FNIP2: variants seen among roughly 807,000 people sequenced by gnomAD.
The protein encoded by FNIP2 is folliculin interacting protein 2.
In FNIP2, 32 loss-of-function variants were observed where a neutral mutation model predicts 108.7. That is an observed-to-expected ratio of 0.29 (90% CI 0.22 to 0.40). The LOEUF (loss-of-function observed/expected upper bound fraction) is 0.40, where lower values mean the gene tolerates loss of function less well. FNIP2 is among the 10% of genes least tolerant of loss of function. The pLI is 1.00. For synonymous variants in FNIP2, 480 were observed against 496.7 expected, an observed-to-expected ratio of 0.97 and a Z score of 0.45; for missense variants, 1,202 against 1,381.6, an observed-to-expected ratio of 0.87 and a Z score of 2.06.
Position 158,869,217 on chromosome 4 carries a change from G to T in FNIP2, c.2581G>T (p.Gly861Cys). Residue 861 changes from glycine (G) to cysteine (C), a missense_variant, in exon 13 of 17, where the codon GGC becomes TGC. Gly to Cys is a radical substitution (Grantham distance 159). Transcript: ENST00000264433. ...TGTTGCCCCCAGGTGTGTCCAGCGG[G>T]GCCCTGGCCTCGTGGCTGGTGCGAA... ...EPVAPRCVQR[G>C]PGLVAGANIP... 1 of 1,614,030 alleles carries T rather than the reference G, an allele frequency of 6.2e-7. No homozygotes were observed. Among genetic ancestry groups the T allele is most frequent in the Non-Finnish European group, 8.5e-7 (1 of 1,179,898 alleles).
intron 1 of FNIP2, among the ~76,000 whole-genome samples, chr4:158,819,217 T>G (rs1042873895): frequency 1.1e-4 from 16 of 152,220 alleles, no homozygotes. Flanking sequence ...GAAGTATGGT[T>G]CCATGCTTTT....
intron 1 of FNIP2, among the ~76,000 whole-genome samples, chr4:158,775,652 T>A (rs1775837248): frequency 6.6e-6 from 1 of 152,208 alleles, no homozygotes; most frequent in Non-Finnish European, 1.5e-5. Context: ...TATAATGGAC[T>A]TCTGAAAAGG....
At chr4:158,845,775 T>A (rs1779368756) in intron 7 of FNIP2, among the ~76,000 whole-genome samples, 1 of 152,248 alleles carries the variant, frequency 6.6e-6, no homozygotes, top group Non-Finnish European at 1.5e-5. Flanking sequence ...TTGTACTGAA[T>A]TGTTATCTAG....
At chr4:158,782,535 T>C (rs891544123) in intron 1 of FNIP2, among the ~76,000 whole-genome samples, 9 of 150,748 alleles carry the variant, frequency 6.0e-5, no homozygotes, top group African/African-American at 1.5e-4. Context: ...TTTTTTTTTT[T>C]CCTCAAATTA....
At chr4:158,872,862 T>TATTCAAGA in intron 14 of FNIP2, 4 of 689,700 alleles carry the variant, frequency 5.8e-6, no homozygotes, top group Non-Finnish European at 7.1e-6. Context: ...GCCTAGTGAA[T>TATTCAAGA]ATTTAAATTC....
chr4:158,814,209 C>T (rs1777440180), intron 1 of FNIP2, among the ~76,000 whole-genome samples: 1 of 152,180 alleles, frequency 6.6e-6, no homozygotes, highest in South Asian at 2.1e-4. Flanking sequence ...AGAATGTTAT[C>T]CTAACTTGTT....
intron 5 of FNIP2, 62 bp downstream of exon 5, chr4:158,832,200 T>A: frequency 7.4e-7 from 1 of 1,343,658 alleles, no homozygotes; most frequent in Non-Finnish European, 1.0e-6. Context: ...CTAGATAGAC[T>A]AATTCTTTAA....
intron 1 of FNIP2, among the ~76,000 whole-genome samples, chr4:158,798,208 G>A (rs776202433): frequency 3.3e-5 from 5 of 151,842 alleles, no homozygotes; most frequent in South Asian, 2.1e-4. Context: ...AGCATTACAC[G>A]CACGCACCAC....
chr4:158,787,328 T>TAA (rs755050151), intron 1 of FNIP2, among the ~76,000 whole-genome samples: 1 of 152,242 alleles, frequency 6.6e-6, no homozygotes, highest in Non-Finnish European at 1.5e-5. Context: ...TTTTCTTTTC[T>TAA]AAAAATTGTG....
intron 7 of FNIP2, among the ~76,000 whole-genome samples, chr4:158,843,899 G>A (rs1313582455): frequency 2.0e-5 from 3 of 152,194 alleles, no homozygotes; most frequent in Non-Finnish European, 1.5e-5. Context: ...AAAATGCTTG[G>A]CAGGGCATAG....
At chr4:158,903,189 G>A (rs1388453624) in intron 16 of FNIP2, among the ~76,000 whole-genome samples, 1 of 152,188 alleles carries the variant, frequency 6.6e-6, no homozygotes, top group East Asian at 1.9e-4. Context: ...AGACTGCAGT[G>A]CAGATATTGA....
At chr4:158,789,584 C>T (rs1463132349) in intron 1 of FNIP2, among the ~76,000 whole-genome samples, 4 of 152,154 alleles carry the variant, frequency 2.6e-5, no homozygotes, top group African/African-American at 4.8e-5. Flanking sequence ...CATCTGTTGA[C>T]ATTTTCCATA....
intron 1 of FNIP2, among the ~76,000 whole-genome samples, chr4:158,800,442 G>A (rs1158995004): frequency 1.3e-5 from 2 of 152,176 alleles, no homozygotes; most frequent in African/African-American, 4.8e-5. Flanking sequence ...CCCTTCCAGG[G>A]TGAGTGCTTT....
At chr4:158,889,162 A>G (rs1782163089) in intron 14 of FNIP2, among the ~76,000 whole-genome samples, 1 of 152,224 alleles carries the variant, frequency 6.6e-6, no homozygotes, top group Non-Finnish European at 1.5e-5. Context: ...TCTGCACTCC[A>G]GCCTGGGCAA....
At chr4:158,795,911 C>G (rs1265988656) in intron 1 of FNIP2, 4 of 152,296 alleles carry the variant, frequency 2.6e-5, no homozygotes, top group Non-Finnish European at 4.4e-5. Flanking sequence ...CACCCCCAGT[C>G]CATGGAAAAA....
At chr4:158,852,837 T>G (rs1275875571) in intron 8 of FNIP2, among the ~76,000 whole-genome samples, 1 of 152,200 alleles carries the variant, frequency 6.6e-6, no homozygotes, top group Non-Finnish European at 1.5e-5. Context: ...TGAAAATGTT[T>G]TTTTATCCCT....
At chr4:158,806,542 G>A (rs1776969415) in intron 1 of FNIP2, 1 of 597,770 alleles carries the variant, frequency 1.7e-6, no homozygotes, top group East Asian at 6.9e-5. Context: ...CTTCTAAGTA[G>A]GAGAAATGGG....
chr4:158,818,801 TGAGGTA>T (rs1777718144), intron 1 of FNIP2, among the ~76,000 whole-genome samples: 1 of 152,204 alleles, frequency 6.6e-6, no homozygotes, highest in Non-Finnish European at 1.5e-5. Context: ...AACAGCCTTG[TGAGGTA>T]GATAAGGCAG....
intron 1 of FNIP2, 58 bp from the exon 2 acceptor site, chr4:158,825,857 CT>C (rs1346962751): frequency 6.4e-7 from 1 of 1,570,806 alleles, no homozygotes; most frequent in Non-Finnish European, 8.7e-7. Context: ...GCTTATCTGT[CT>C]GTGATCATCT....
Sources: allele counts gnomAD v4.1 joint callset (sites outside exome capture counted in the v4.1 genomes callset), GRCh38; gene constraint gnomAD v4.1.1; transcripts MANE v1.5; gene names NCBI Gene and HGNC (gene_info 2026-07-23, HGNC 2026-07-21).